Variants in FMN1 observed in about 807,000 individuals in gnomAD.
The protein encoded by FMN1 is formin-1.
In FMN1, 110 loss-of-function variants were observed where a neutral mutation model predicts 132.4. The observed-to-expected ratio is 0.83, with a 90% CI of 0.71 to 0.97. FMN1 has a LOEUF of 0.97. Among genes scored for constraint, FMN1 ranks in the 50% least tolerant of loss-of-function variants. The probability of loss-of-function intolerance (pLI) is 0.00; values close to 1 mark genes in which losing one functional copy is unlikely to be tolerated. For synonymous variants in FMN1, 722 were observed against 651.7 expected (o/e 1.11, Z -1.64); for missense variants, 1,792 against 1,705.3 (o/e 1.05, Z -0.90).
intron 13 of FMN1, among the ~76,000 whole-genome samples, chr15:32,900,757 T>C (rs2060275063): frequency 6.6e-6 from 1 of 152,274 alleles, no homozygotes; most frequent in African/African-American, 2.4e-5. Context: ...CTGTCTCATT[T>C]GTTTGTCCTT....
At chr15:33,017,022 C>G (rs1001736837) in intron 6 of FMN1, among the ~76,000 whole-genome samples, 1 of 152,060 alleles carries the variant, frequency 6.6e-6, no homozygotes, top group Non-Finnish European at 1.5e-5. Context: ...TGTGTGCAAA[C>G]ACATAATGCA....
intron 4 of FMN1, among the ~76,000 whole-genome samples, chr15:33,096,011 A>G (rs2039071227): frequency 6.6e-6 from 1 of 152,120 alleles, no homozygotes; most frequent in Non-Finnish European, 1.5e-5. Context: ...AAAAAAAAAA[A>G]AAGAAGGCAC....
At chr15:33,119,439 C>T (rs751534699) in intron 4 of FMN1, among the ~76,000 whole-genome samples, 1 of 152,190 alleles carries the variant, frequency 6.6e-6, no homozygotes, top group Non-Finnish European at 1.5e-5. Flanking sequence ...GCCTCCCCTG[C>T]TCCATCGCAA....
intron 7 of FMN1, among the ~76,000 whole-genome samples, chr15:32,983,481 T>G (rs2032841370): frequency 6.6e-6 from 1 of 152,166 alleles, no homozygotes; most frequent in African/African-American, 2.4e-5. Flanking sequence ...ATGGTACACT[T>G]AGAACAGCAA....
rs151173373 is a variant in FMN1, at chr15:32,941,332, T to G, written c.3139-15071A>C. On this transcript the variant is annotated intron_variant, in intron 9 of 20. Transcript: ENST00000616417. The stretch of plus-strand genomic sequence containing the variant: ...TGGTTGAATTGGATTTTGGAGTCAT[T>G]TAACACTTAGCACTGAAGAAACCTA... 6.4e-3 allele frequency among the ~76,000 whole-genome samples: 969 copies of G among 152,302 alleles called. 8 individuals carry two copies. Among genetic ancestry groups the G allele is most frequent in the South Asian group, 0.02 (98 of 4,826 alleles).
At chr15:33,059,360 G>A (rs1378685116) in intron 6 of FMN1, among the ~76,000 whole-genome samples, 3 of 152,326 alleles carry the variant, frequency 2.0e-5, no homozygotes, top group Admixed American at 6.5e-5. Context: ...GAACATGGGA[G>A]TGCAGTTCTA....
chr15:32,951,693 ATAC>A (rs1357813235), intron 9 of FMN1, among the ~76,000 whole-genome samples: 7 of 152,336 alleles, frequency 4.6e-5, no homozygotes, highest in Admixed American at 1.3e-4. Context: ...AACATTTCAC[ATAC>A]TACATTTTAA....
chr15:33,156,642 A>C (rs1285521379), intron 3 of FMN1, among the ~76,000 whole-genome samples: 1 of 152,104 alleles, frequency 6.6e-6, no homozygotes, highest in African/African-American at 2.4e-5. Flanking sequence ...CTAAAGATGC[A>C]CATGTGTAGG....
chr15:32,931,058 G>C (rs2061103581), intron 9 of FMN1, among the ~76,000 whole-genome samples: 2 of 152,064 alleles, frequency 1.3e-5, no homozygotes, highest in Admixed American at 1.3e-4. Context: ...TATAATGTCT[G>C]TCTTTATGCC....
chr15:32,903,205 T>C (rs1323809146), intron 12 of FMN1, among the ~76,000 whole-genome samples: 1 of 152,204 alleles, frequency 6.6e-6, no homozygotes, highest in African/African-American at 2.4e-5. Flanking sequence ...AAGCAAGGAA[T>C]ATCCATAAGA....
At chr15:32,912,991 T>C (rs893087799) in intron 10 of FMN1, among the ~76,000 whole-genome samples, 1 of 152,216 alleles carries the variant, frequency 6.6e-6, no homozygotes, top group Non-Finnish European at 1.5e-5. Flanking sequence ...TTAATGCTTG[T>C]TAATGCCTTA....
rs1440605796 is a variant in FMN1 at position 33,153,614 on chromosome 15, G to C, written c.1301C>G (p.Pro434Arg). Residue 434 changes from proline (P) to arginine (R), a missense_variant, in exon 4 of 21, where the codon CCT becomes CGT. Pro to Arg is a moderately radical substitution (Grantham distance 103, BLOSUM62 -2). Coordinates refer to ENST00000616417, the MANE Select transcript of FMN1 (RefSeq NM_001277313.2). ...AGGGAAGCCCAGTCTTTTCCCCTCAGGGGCTTCATCTAACTTCTCACTCTC... is the reference window on the plus strand; with the variant it reads ...AGGGAAGCCCAGTCTTTTCCCCTCACGGGCTTCATCTAACTTCTCACTCTC... ...VIESEKLDEAPEGKRLGFPVH... is the reference protein window; with the variant it reads ...VIESEKLDEAREGKRLGFPVH... The C allele has an allele frequency of 6.5e-7, 1 of 1,536,254 alleles. No individual in the cohort carries two copies. The highest frequency in any genetic ancestry group is 2.4e-5 in the East Asian group (1 of 40,896).
chr15:32,952,137 A>T (rs1210160019), intron 9 of FMN1, among the ~76,000 whole-genome samples: 1 of 152,176 alleles, frequency 6.6e-6, no homozygotes, highest in Non-Finnish European at 1.5e-5. Context: ...TGGGTTTTAT[A>T]GGGCTAAGTT....
chr15:33,140,787 TAAAG>T (rs1963978256), intron 4 of FMN1, among the ~76,000 whole-genome samples: 1 of 152,030 alleles, frequency 6.6e-6, no homozygotes, highest in South Asian at 2.1e-4. Context: ...GGCACAGAAG[TAAAG>T]GAAGGAAGCA....
chr15:32,964,356 C>G (rs1261132863), intron 8 of FMN1, 99 bp from the exon 9 acceptor site: 1 of 876,808 alleles, frequency 1.1e-6, no homozygotes, highest in Non-Finnish European at 1.7e-6. Flanking sequence ...TTTCATTTTT[C>G]TAAAAAAACA....
intron 9 of FMN1, among the ~76,000 whole-genome samples, chr15:32,956,517 TA>T (rs529404791): frequency 3.3e-4 from 50 of 152,248 alleles, no homozygotes; most frequent in South Asian, 6.2e-4. Flanking sequence ...CAGGAGTCCT[TA>T]AACTGAAGAA....
intron 4 of FMN1, among the ~76,000 whole-genome samples, chr15:33,131,346 AAAAG>A (rs1390453781): frequency 2.6e-5 from 4 of 151,838 alleles, no homozygotes; most frequent in Non-Finnish European, 5.9e-5. Context: ...AAAAAAAAAA[AAAAG>A]CTGTATTAAA....
chr15:32,886,502 T>C (rs1196035952), intron 16 of FMN1, among the ~76,000 whole-genome samples: 1 of 152,114 alleles, frequency 6.6e-6, no homozygotes, highest in African/African-American at 2.4e-5. Flanking sequence ...AGTGAGGCGC[T>C]ATGGGGGAAC....
chr15:32,922,214 A>G (rs2060845137), intron 10 of FMN1, among the ~76,000 whole-genome samples: 1 of 152,168 alleles, frequency 6.6e-6, no homozygotes, highest in African/African-American at 2.4e-5. Flanking sequence ...CTGGCACTCT[A>G]TACAGTTTTA....
Sources: gnomAD v4.1 joint callset for allele counts (sites outside exome capture counted in the v4.1 genomes callset) on GRCh38, gnomAD v4.1.1 for gene constraint, MANE v1.5 for transcripts, NCBI Gene and HGNC (gene_info 2026-07-23, HGNC 2026-07-21) for gene names.